Variants in MTBP observed in about 807,000 individuals in gnomAD.
MTBP encodes MDM2 binding protein, also known as mdm2-binding protein.
A neutral mutation model predicts 117.0 loss-of-function variants in MTBP; 101 were observed. That is an observed-to-expected ratio of 0.86 (90% CI 0.73 to 1.02). The LOEUF (loss-of-function observed/expected upper bound fraction) is 1.02, where lower values mean the gene tolerates loss of function less well. Ranked by LOEUF, MTBP falls within the 50% of genes least tolerant of loss-of-function variation. MTBP has a pLI of 0.00. For missense variants in MTBP, 970 were observed against 1,030.9 expected, an observed-to-expected ratio of 0.94 and a Z score of 0.81; for synonymous variants, 350 against 351.5, an observed-to-expected ratio of 1.00 and a Z score of 0.05.
At chr8:120,482,974 C>T (rs1013311269) in intron 11 of MTBP, among the ~76,000 whole-genome samples, 1 of 151,484 alleles carries the variant, frequency 6.6e-6, no homozygotes, top group African/African-American at 2.4e-5. Flanking sequence ...GCTGGGATTA[C>T]AGGAATGAGC....
rs769251616 is a variant in MTBP, at chr8:120,516,036, A to G, written c.2091A>G (p.Pro697=). 34 of 1,609,058 alleles carry G rather than the reference A, an allele frequency of 2.1e-5. No homozygotes were observed. Among genetic ancestry groups the G allele is most frequent in the Non-Finnish European group, 2.7e-5 (32 of 1,175,604 alleles). Residue 697 remains proline (P), a synonymous_variant, in exon 18 of 22, where the codon CCA becomes CCG. Coordinates refer to ENST00000305949, the MANE Select transcript of MTBP (RefSeq NM_022045.5). Reference sequence around the variant, plus strand: ...CTACCTGCACCAGAGAAAGTTTTCCAGTACCTACTGTGTTGAGCCCTCTTC... The same window carrying G: ...CTACCTGCACCAGAGAAAGTTTTCCGGTACCTACTGTGTTGAGCCCTCTTC... The part of the protein sequence containing the change: ...TQTTCTRESF[P]VPTVLSPLPS...
chr8:120,477,755 A>G (rs1345858697), intron 11 of MTBP, among the ~76,000 whole-genome samples: 1 of 152,206 alleles, frequency 6.6e-6, no homozygotes, highest in African/African-American at 2.4e-5. Flanking sequence ...AGGAAACAAC[A>G]GATGCTGGAG....
Position 120,516,077 on chromosome 8 carries a change from C to G in MTBP, c.2132C>G (p.Ser711Trp). The G allele has an allele frequency of 6.2e-7, 1 of 1,613,024 alleles. No individual in the cohort carries two copies. Among genetic ancestry groups the G allele is most frequent in the Non-Finnish European group, 8.5e-7 (1 of 1,179,286 alleles). ...AGCCCTCTTCCATCTCCTGTAGTTT[C>G]GTCAGATCCTGGAAGTGTCCCTGAC... ...VLSPLPSPVVSSDPGSVPDGE... is the reference protein window; with the variant it reads ...VLSPLPSPVVWSDPGSVPDGE... Residue 711 changes from serine to tryptophan, a missense_variant, in exon 18 of 22, where the codon TCG becomes TGG. Transcript: ENST00000305949.
chr8:120,445,537 G>A lies in MTBP; in HGVS notation c.67G>A (p.Ala23Thr), dbSNP rs1427730828. ...GKFPSAASRE[A>T]EHGPEVSSGE... ...ATTCCCGTCGGCGGCCAGTAGGGAG[G>A]CAGAACATGGGCCAGAGGTGTCGTC... The change falls in exon 1 of 22, where the codon GCA becomes ACA. Residue 23 changes from alanine to threonine, a missense_variant. Physicochemically the swap from Ala to Thr is moderately conservative, Grantham distance 58 (BLOSUM62 0). Coordinates refer to ENST00000305949, the MANE Select transcript of MTBP (RefSeq NM_022045.5). 5 of 1,613,748 alleles carry A rather than the reference G, an allele frequency of 3.1e-6. No homozygotes were observed. The highest frequency in any genetic ancestry group is 4.2e-6 in the Non-Finnish European group (5 of 1,179,850).
intron 11 of MTBP, among the ~76,000 whole-genome samples, chr8:120,481,987 CAG>C (rs1270813658): frequency 6.6e-6 from 1 of 152,102 alleles, no homozygotes; most frequent in East Asian, 1.9e-4. Flanking sequence ...AATCTAAATG[CAG>C]AGTTTTGTTT....
chr8:120,460,570 A>G (rs1212141318), intron 8 of MTBP, among the ~76,000 whole-genome samples: 2 of 152,046 alleles, frequency 1.3e-5, no homozygotes, highest in African/African-American at 2.4e-5. Context: ...ACAAACTCTA[A>G]TTTGGTTTTA....
intron 17 of MTBP, 108 bp from the exon 18 acceptor site, chr8:120,515,817 A>G: frequency 9.4e-7 from 1 of 1,060,764 alleles, no homozygotes. Context: ...TTATTAGGAA[A>G]TTAAACAAGA....
chr8:120,445,646 G>A (rs1426378682), intron 1 of MTBP, 58 bp downstream of exon 1: 39 of 1,391,144 alleles, frequency 2.8e-5, no homozygotes, highest in Admixed American at 8.7e-5. Flanking sequence ...AGAAGTTTGA[G>A]TTTTGTGATC....
intron 9 of MTBP, among the ~76,000 whole-genome samples, chr8:120,463,449 G>T (rs186080884): frequency 1.3e-5 from 2 of 151,958 alleles, no homozygotes; most frequent in Non-Finnish European, 2.9e-5. Flanking sequence ...TAAATTTCTT[G>T]TTCTTATAGT....
chr8:120,507,892 TGG>T (rs1303339357), intron 16 of MTBP, among the ~76,000 whole-genome samples: 6 of 152,164 alleles, frequency 3.9e-5, no homozygotes, highest in Non-Finnish European at 7.4e-5. Flanking sequence ...ATTTAGTTAT[TGG>T]ATTACTGTCC....
At chr8:120,453,138 G>A (rs886711056) in intron 4 of MTBP, among the ~76,000 whole-genome samples, 3 of 151,988 alleles carry the variant, frequency 2.0e-5, no homozygotes, top group Non-Finnish European at 2.9e-5. Context: ...TAAACACTTA[G>A]CATTTTCTTA....
chr8:120,468,761 C>A (rs1452887028), intron 10 of MTBP, among the ~76,000 whole-genome samples: 1 of 152,028 alleles, frequency 6.6e-6, no homozygotes, highest in African/African-American at 2.4e-5. Flanking sequence ...AATGGTTTCA[C>A]CAGGATTCAA....
chr8:120,511,554 A>G (rs1814810362), intron 17 of MTBP, among the ~76,000 whole-genome samples: 1 of 152,098 alleles, frequency 6.6e-6, no homozygotes, highest in Non-Finnish European at 1.5e-5. Context: ...CTCAGCCTCA[A>G]AAAGTTCTGG....
intron 15 of MTBP, among the ~76,000 whole-genome samples, chr8:120,503,293 T>C (rs1814621645): frequency 6.6e-6 from 1 of 152,186 alleles, no homozygotes; most frequent in Non-Finnish European, 1.5e-5. Context: ...ATATGAGGAA[T>C]AACAAGCTGT....
rs1261127764 is a variant in MTBP at position 120,488,187 on chromosome 8, T to C, written c.1194T>C (p.Cys398=). ...SVPDVEVKGE[C]SSYYLLLQGN... is the part of the protein sequence containing the mutation. ...CAGATGTTGAAGTGAAAGGAGAGTG[T>C]TCTAGCTATTATCTCTTGTTACAAG... is the stretch of plus-strand genomic sequence containing the variant. The change falls in exon 12 of 22, where the codon TGT becomes TGC. Residue 398 remains cysteine, a synonymous_variant. Coordinates refer to ENST00000305949, the MANE Select transcript of MTBP (RefSeq NM_022045.5). 1.3e-6 allele frequency: 2 copies of C among 1,587,440 alleles called. No individual in the cohort carries two copies. Among genetic ancestry groups the C allele is most frequent in the Non-Finnish European group, 1.7e-6 (2 of 1,171,066 alleles).
intron 13 of MTBP, among the ~76,000 whole-genome samples, chr8:120,494,449 A>G (rs1380962123): frequency 6.6e-6 from 1 of 152,196 alleles, no homozygotes. Context: ...TCAAGTGGCA[A>G]ACAGCAATGC....
intron 10 of MTBP, among the ~76,000 whole-genome samples, chr8:120,468,682 C>G (rs1294891644): frequency 2.6e-5 from 4 of 151,936 alleles, no homozygotes; most frequent in Non-Finnish European, 5.9e-5. Flanking sequence ...TTCTGTTGAC[C>G]AATGCCGGCT....
chr8:120,495,273 C>T lies in MTBP; in HGVS notation c.1448-2120C>T, dbSNP rs143620804. Among the ~76,000 whole-genome samples, 614 of 152,222 alleles carry T rather than the reference C, an allele frequency of 4.0e-3. 4 individuals carry two copies. The highest frequency in any genetic ancestry group is 0.014 in the African/African-American group (587 of 41,552). On this transcript the variant is annotated intron_variant, in intron 13 of 21. Transcript: ENST00000305949. ...TACTACTTCATTGTCTTCTGCTTTG[C>T]TATGTTTCTGTTGCGAAGTCAAATA... is the stretch of plus-strand genomic sequence containing the variant.
chr8:120,509,590 A>G (rs1007343685), intron 16 of MTBP, among the ~76,000 whole-genome samples: 1 of 152,106 alleles, frequency 6.6e-6, no homozygotes, highest in Non-Finnish European at 1.5e-5. Context: ...CGACAGAGTG[A>G]GACTCCGTCC....
Sources: allele counts gnomAD v4.1 joint callset (sites outside exome capture counted in the v4.1 genomes callset), GRCh38; gene constraint gnomAD v4.1.1; transcripts MANE v1.5; gene names NCBI Gene and HGNC (gene_info 2026-07-23, HGNC 2026-07-21).